The following MS4A4E variants were observed in gnomAD, a reference collection of about 807,000 sequenced individuals.
The protein encoded by MS4A4E is putative membrane-spanning 4-domains subfamily A member 4E.
A neutral mutation model predicts 13.3 loss-of-function variants in MS4A4E; 23 were observed. The ratio of observed to expected loss-of-function variants is 1.73; its 90% CI spans 1.25 to 2.45. MS4A4E has a LOEUF of 2.45. Ranked by LOEUF, MS4A4E falls within the 30% of genes most tolerant of loss-of-function variation. The pLI is 0.00. For missense variants in MS4A4E, 144 were observed against 131.2 expected (o/e 1.10, Z -0.48); for synonymous variants, 36 against 45.6 (o/e 0.79, Z 0.85).
At chr11:60,217,824 G>A (rs912640884) in intron 3 of MS4A4E, among the ~76,000 whole-genome samples, 3 of 152,108 alleles carry the variant, frequency 2.0e-5, no homozygotes, top group Admixed American at 2.0e-4. Flanking sequence ...TCAGGACCCT[G>A]TAATAATTGC....
At chr11:60,219,676 A>T (rs1329841392) in intron 3 of MS4A4E, among the ~76,000 whole-genome samples, 1 of 152,196 alleles carries the variant, frequency 6.6e-6, no homozygotes, top group African/African-American at 2.4e-5. Context: ...CTGACAATTT[A>T]TGTTGTTAAT....
intron 1 of MS4A4E, among the ~76,000 whole-genome samples, chr11:60,237,179 T>C (rs1480623431): frequency 6.6e-6 from 1 of 152,208 alleles, no homozygotes; most frequent in Non-Finnish European, 1.5e-5. Flanking sequence ...GCTCCACTTA[T>C]AAGTGAGAAC....
At chr11:60,218,399 C>T (rs757291570) in intron 3 of MS4A4E, among the ~76,000 whole-genome samples, 4 of 152,162 alleles carry the variant, frequency 2.6e-5, no homozygotes, top group South Asian at 4.1e-4. Flanking sequence ...CACACCTATT[C>T]GCATACTCCC....
In MS4A4E at chr11:60,201,145, C is replaced by A. The variant is rs61901749; in HGVS notation, c.*398G>T. The A allele has an allele frequency of 2.6e-5, 3 of 116,414 alleles. No homozygotes were observed. The highest frequency in any genetic ancestry group is 1.0e-4 in the African/African-American group (3 of 29,626). The allele number at this position is 116,414 out of a possible 1,614,324, so 7.2% of individuals were successfully genotyped here. A position where few individuals can be genotyped will look rare whatever the true frequency, so the allele number is the denominator to read the frequency against. On this transcript the variant is annotated 3_prime_UTR_variant, in exon 9 of 9. Transcript: ENST00000651255. Reference sequence around the variant, plus strand: ...CCCCCCACCTCCCTCCCGGACGGAGCGGCTGGCCGGGTAGAGGGGCTCCTC... The same window carrying A: ...CCCCCCACCTCCCTCCCGGACGGAGAGGCTGGCCGGGTAGAGGGGCTCCTC...
At chr11:60,226,549 A>G (rs2134956843) in intron 3 of MS4A4E, among the ~76,000 whole-genome samples, 1 of 152,362 alleles carries the variant, frequency 6.6e-6, no homozygotes, top group East Asian at 1.9e-4. Flanking sequence ...ACATGATTAT[A>G]TCAACAGATG....
chr11:60,205,933 A>G (rs1418842402), intron 6 of MS4A4E, among the ~76,000 whole-genome samples, 113 bp from the exon 7 acceptor site: 1 of 152,228 alleles, frequency 6.6e-6, no homozygotes, highest in African/African-American at 2.4e-5. Context: ...TGCCCAGCAG[A>G]AGGTGGGGGA....
intron 3 of MS4A4E, among the ~76,000 whole-genome samples, chr11:60,223,846 A>G (rs529495449): frequency 2.0e-5 from 3 of 147,446 alleles, no homozygotes; most frequent in African/African-American, 7.7e-5. Flanking sequence ...CTATTGTGGG[A>G]CCTCTCCTTG....
chr11:60,213,521 G>C (rs1171055097), intron 4 of MS4A4E, among the ~76,000 whole-genome samples: 1 of 152,058 alleles, frequency 6.6e-6, no homozygotes, highest in African/African-American at 2.4e-5. Flanking sequence ...TTTCTCGGTT[G>C]TGTATTCCTT....
intron 5 of MS4A4E, among the ~76,000 whole-genome samples, chr11:60,210,873 A>C (rs1005998007): frequency 6.6e-6 from 1 of 152,244 alleles, no homozygotes; most frequent in Non-Finnish European, 1.5e-5. Context: ...GGAATTCATC[A>C]TGACCTCTGG....
At chr11:60,217,467 C>G (rs534780754) in intron 3 of MS4A4E, among the ~76,000 whole-genome samples, 1 of 152,210 alleles carries the variant, frequency 6.6e-6, no homozygotes, top group South Asian at 2.1e-4. Context: ...AACATCCCCT[C>G]CCTAACCCAC....
chr11:60,231,024 GA>G (rs1190853489), intron 1 of MS4A4E, among the ~76,000 whole-genome samples: 9 of 152,204 alleles, frequency 5.9e-5, no homozygotes, highest in Non-Finnish European at 1.2e-4. Context: ...GCTATGTACA[GA>G]AAAAATTCAG....
At chr11:60,227,853 C>A (rs1469775345) in intron 3 of MS4A4E, among the ~76,000 whole-genome samples, 3 of 151,548 alleles carry the variant, frequency 2.0e-5, no homozygotes, top group African/African-American at 7.3e-5. Flanking sequence ...GAAGAATAGT[C>A]TTTCCAAAAA....
chr11:60,222,698 C>A (rs2084285175), intron 3 of MS4A4E, among the ~76,000 whole-genome samples: 1 of 151,970 alleles, frequency 6.6e-6, no homozygotes, highest in Non-Finnish European at 1.5e-5. Flanking sequence ...GGTCTTAGTT[C>A]CAGAGGAAGG....
At chr11:60,225,209 T>G in intron 3 of MS4A4E, 1 of 979,092 alleles carries the variant, frequency 1.0e-6, no homozygotes, top group South Asian at 3.0e-5. Flanking sequence ...TCATATGACC[T>G]TGATATTCTG....
rs544591319 is a variant in MS4A4E at position 60,238,068 on chromosome 11, G to A, written c.-17+4890C>T. On this transcript the variant is annotated intron_variant, in intron 1 of 8. Transcript: ENST00000651255. The stretch of plus-strand genomic sequence containing the variant: ...TATATAATCTTTTTTACATGTTGCC[G>A]AATTCTGCTTGCTAATTTTTTTTTA... 2.6e-5 allele frequency among the ~76,000 whole-genome samples: 4 copies of A among 150,976 alleles called. No individual in the cohort carries two copies. In the South Asian group the frequency reaches 6.3e-4, roughly 24 times the overall value.
intron 5 of MS4A4E, among the ~76,000 whole-genome samples, chr11:60,209,792 C>G (rs543977102): frequency 6.6e-6 from 1 of 152,316 alleles, no homozygotes; most frequent in East Asian, 1.9e-4. Context: ...CTTTTTCTCT[C>G]CATGGTTAGG....
At chr11:60,235,577 C>G (rs541301276) in intron 1 of MS4A4E, among the ~76,000 whole-genome samples, 1 of 152,266 alleles carries the variant, frequency 6.6e-6, no homozygotes, top group South Asian at 2.1e-4. Context: ...CACCACCTTA[C>G]TTTTTTGAAA....
chr11:60,216,429 T>C (rs2084194469), intron 3 of MS4A4E, among the ~76,000 whole-genome samples: 1 of 152,156 alleles, frequency 6.6e-6, no homozygotes, highest in Non-Finnish European at 1.5e-5. Flanking sequence ...GTTGTGATCT[T>C]GAGCAAGTTA....
At chr11:60,235,710 A>G (rs2084474445) in intron 1 of MS4A4E, among the ~76,000 whole-genome samples, 1 of 152,220 alleles carries the variant, frequency 6.6e-6, no homozygotes, top group South Asian at 2.1e-4. Flanking sequence ...AATGACTTTA[A>G]GCCCAGAGGA....
Sources: gnomAD v4.1 joint callset for allele counts (sites outside exome capture counted in the v4.1 genomes callset) on GRCh38, gnomAD v4.1.1 for gene constraint, MANE v1.5 for transcripts, NCBI Gene and HGNC (gene_info 2026-07-23, HGNC 2026-07-21) for gene names.